Variants in WDR45B observed in about 807,000 individuals in gnomAD.
WDR45B encodes the protein WD repeat domain 45B.
In WDR45B, 20 loss-of-function variants were observed where a neutral mutation model predicts 44.6. The ratio of observed to expected loss-of-function variants is 0.45; its 90% CI spans 0.32 to 0.65. WDR45B has a LOEUF of 0.65. Among genes scored for constraint, WDR45B ranks in the 30% least tolerant of loss-of-function variants. The probability of loss-of-function intolerance (pLI) is 0.05; values close to 1 mark genes in which losing one functional copy is unlikely to be tolerated. For synonymous variants in WDR45B, 169 were observed against 164.9 expected, an observed-to-expected ratio of 1.02 and a Z score of -0.19; for missense variants, 323 against 430.2, an observed-to-expected ratio of 0.75 and a Z score of 2.20.
At position 82,615,851 on chromosome 17, in the gene WDR45B, G is replaced by A; in HGVS notation, c.*68C>T. On this transcript the variant is annotated 3_prime_UTR_variant, in exon 10 of 10. Coordinates refer to ENST00000392325, the MANE Select transcript of WDR45B (RefSeq NM_019613.4). ...AGCCCGTGGCCCAGGAGGCCCCTGG[G>A]GCACTGGCACCAGCCCCGAGAGTCT... 6.7e-7 allele frequency: 1 copy of A among 1,485,480 alleles called. No individual in the cohort carries two copies. Among genetic ancestry groups the A allele is most frequent in the Non-Finnish European group, 9.4e-7 (1 of 1,065,914 alleles). The allele number at this position is 1,485,480 out of a possible 1,614,324, so 92.0% of individuals were successfully genotyped here.
At chr17:82,640,403 T>C (rs374327217) in intron 2 of WDR45B, among the ~76,000 whole-genome samples, 2 of 151,624 alleles carry the variant, frequency 1.3e-5, no homozygotes, top group African/African-American at 4.8e-5. Flanking sequence ...CAGGCTGCAG[T>C]GCAGTGGCGA....
At chr17:82,641,005 G>A (rs1052956646) in intron 2 of WDR45B, among the ~76,000 whole-genome samples, 3 of 126,518 alleles carry the variant, frequency 2.4e-5, no homozygotes, top group Non-Finnish European at 4.7e-5. Flanking sequence ...TTGCTCTGTC[G>A]CCCAGGATGG....
chr17:82,619,065 A>T lies in WDR45B; in HGVS notation c.682T>A (p.Ser228Thr). 1.2e-6 allele frequency: 2 copies of T among 1,614,124 alleles called. No homozygotes were observed. The highest frequency in any genetic ancestry group is 1.7e-6 in the Non-Finnish European group (2 of 1,180,024). The change falls in exon 7 of 10, where the codon TCT (serine) becomes ACT (threonine). Residue 228 changes from serine (S) to threonine (T), a missense_variant. Transcript: ENST00000392325. ...GHLIQELRRG[S>T]QAANIYCINF... Reference sequence around the variant, plus strand: ...TACCAGTAAATATTGGCTGCTTGAGATCCTCTTCGCAGTTCCTGGATTAAA... The same window carrying T: ...TACCAGTAAATATTGGCTGCTTGAGTTCCTCTTCGCAGTTCCTGGATTAAA...
intron 2 of WDR45B, among the ~76,000 whole-genome samples, chr17:82,632,553 C>T (rs1476599850): frequency 1.3e-5 from 2 of 152,120 alleles, no homozygotes; most frequent in East Asian, 3.8e-4. Flanking sequence ...GACCAATGCT[C>T]TCTGAGGGGA....
At chr17:82,616,404 G>C (rs2045535777) in intron 9 of WDR45B, 120 bp downstream of exon 9, 1 of 1,502,384 alleles carries the variant, frequency 6.7e-7, no homozygotes, top group Non-Finnish European at 9.2e-7. Flanking sequence ...AAGGGGAACT[G>C]GGCGGCCATC....
chr17:82,625,302 G>C, intron 5 of WDR45B, 87 bp downstream of exon 5: 4 of 1,358,520 alleles, frequency 2.9e-6, no homozygotes, highest in Non-Finnish European at 4.2e-6. Flanking sequence ...ACTTTGCTCA[G>C]AGACCTGCTT....
At chr17:82,637,373 C>G (rs931642526) in intron 2 of WDR45B, among the ~76,000 whole-genome samples, 1 of 151,988 alleles carries the variant, frequency 6.6e-6, no homozygotes, top group Admixed American at 6.5e-5. Context: ...ACCCTCTCCT[C>G]TAATCATGGT....
At chr17:82,639,181 TCTA>T (rs1485873420) in intron 2 of WDR45B, among the ~76,000 whole-genome samples, 5 of 152,024 alleles carry the variant, frequency 3.3e-5, no homozygotes, top group African/African-American at 1.2e-4. Context: ...TATGCTATTC[TCTA>T]CTTTCTTTTT....
chr17:82,625,512 T>C lies in WDR45B; in HGVS notation c.333-29A>G, dbSNP rs776947957. ...GAAAGAAAAACATGATCAGAGTTGC[T>C]TTCCTCAAGAGTCAAACCCAAACAT... On this transcript the variant is annotated intron_variant, in intron 4 of 9. Transcript: ENST00000392325. The C allele has an allele frequency of 7.5e-5, 121 of 1,608,026 alleles. 1 individual carries two copies. The highest frequency in any genetic ancestry group is 8.5e-7 in the Non-Finnish European group (1 of 1,174,730).
At chr17:82,639,614 C>T (rs1037145187) in intron 2 of WDR45B, among the ~76,000 whole-genome samples, 3 of 150,940 alleles carry the variant, frequency 2.0e-5, no homozygotes, top group Admixed American at 6.6e-5. Context: ...CAGCACGAAG[C>T]CTGCAGGACC....
intron 2 of WDR45B, among the ~76,000 whole-genome samples, chr17:82,640,571 G>C (rs904403456): frequency 6.6e-6 from 1 of 152,048 alleles, no homozygotes; most frequent in Non-Finnish European, 1.5e-5. Flanking sequence ...GGATGGTTTC[G>C]ATCTCCTGAC....
rs1452156658 is a variant in WDR45B, at chr17:82,615,529, C to T, written c.*390G>A. The T allele has an allele frequency of 6.6e-6, 2 of 302,176 alleles. No individual in the cohort carries two copies. Among genetic ancestry groups the T allele is most frequent in the Non-Finnish European group, 1.3e-5 (2 of 154,680 alleles). The allele number at this position is 302,176 out of a possible 1,614,324, so 18.7% of individuals were successfully genotyped here. A position where few individuals can be genotyped will look rare whatever the true frequency, so the allele number is the denominator to read the frequency against. The stretch of plus-strand genomic sequence containing the variant: ...CTTGTTCACTCCCCCGCTGCAGACT[C>T]AGTAAGAACGACGGAATCTGCTGCA... On this transcript the variant is annotated 3_prime_UTR_variant, in exon 10 of 10. Coordinates refer to ENST00000392325, the MANE Select transcript of WDR45B (RefSeq NM_019613.4).
Position 82,616,612 on chromosome 17 carries a change from G to A in WDR45B, c.840C>T (p.Phe280=), listed in dbSNP as rs757463128. ...LASASFLPKY[F]SSKWSFSKFQ... The stretch of plus-strand genomic sequence containing the variant: ...ACTTGGAGAAACTCCACTTGGAACT[G>A]AAGTATTTTGGAAGGAAACTGGCTG... Residue 280 remains phenylalanine, a synonymous_variant, in exon 9 of 10, where the codon TTC becomes TTT. Transcript: ENST00000392325. 4 of 1,614,184 alleles carry A rather than the reference G, an allele frequency of 2.5e-6. No homozygotes were observed. The highest frequency in any genetic ancestry group is 1.1e-5 in the South Asian group (1 of 91,084).
chr17:82,648,193 CCCAGGAGAGG>C, intron 1 of WDR45B, 71 bp downstream of exon 1: 1 of 1,497,622 alleles, frequency 6.7e-7, no homozygotes. Flanking sequence ...GAAAGGGGCG[CCCAGGAGAGG>C]CCTGAGAGCC....
rs2045541838 is a variant in WDR45B, at chr17:82,616,747, A to G, written c.807-102T>C. 13 of 1,459,046 alleles carry G rather than the reference A, an allele frequency of 8.9e-6. No homozygotes were observed. In the Admixed American group the frequency reaches 2.3e-4, roughly 26 times the overall value. The allele number at this position is 1,459,046 out of a possible 1,614,324, so 90.4% of individuals were successfully genotyped here. A position where few individuals can be genotyped will look rare whatever the true frequency, so the allele number is the denominator to read the frequency against. ...GCTGAAAATACGAAAATGCTCCTTC[A>G]TATGGTTTGAGCTTTAATGAATTTT... is the stretch of plus-strand genomic sequence containing the variant. On this transcript the variant is annotated intron_variant, in intron 8 of 9. Coordinates refer to ENST00000392325, the MANE Select transcript of WDR45B (RefSeq NM_019613.4).
In WDR45B at chr17:82,615,775, A is replaced by T. The variant is rs929685891; in HGVS notation, c.*144T>A. 11 of 732,352 alleles carry T rather than the reference A, an allele frequency of 1.5e-5. No individual in the cohort carries two copies. The highest frequency in any genetic ancestry group is 2.7e-5 in the Non-Finnish European group (11 of 413,936). 45.4% of individuals were successfully genotyped at this position (732,352 alleles called of 1,614,324 possible). A position where few individuals can be genotyped will look rare whatever the true frequency, so the allele number is the denominator to read the frequency against. Reference sequence around the variant, plus strand: ...TACTGGAAATGGGAGTCCTTAGGAAAGCAGACAACCACGTATGGCTTCGAG... The same window carrying T: ...TACTGGAAATGGGAGTCCTTAGGAATGCAGACAACCACGTATGGCTTCGAG... On this transcript the variant is annotated 3_prime_UTR_variant, in exon 10 of 10. Transcript: ENST00000392325.
At chr17:82,619,420 T>G (rs2045583969) in intron 6 of WDR45B, among the ~76,000 whole-genome samples, 1 of 152,132 alleles carries the variant, frequency 6.6e-6, no homozygotes. Flanking sequence ...CATCCCTGGC[T>G]GAGACCCAGG....
At chr17:82,637,558 T>C (rs1014733715) in intron 2 of WDR45B, among the ~76,000 whole-genome samples, 5 of 151,922 alleles carry the variant, frequency 3.3e-5, no homozygotes, top group Non-Finnish European at 7.4e-5. Flanking sequence ...CACACACCAG[T>C]CACAAGTTAG....
intron 3 of WDR45B, among the ~76,000 whole-genome samples, chr17:82,628,175 T>A (rs1166639124): frequency 6.6e-6 from 1 of 152,122 alleles, no homozygotes; most frequent in African/African-American, 2.4e-5. Flanking sequence ...GTATTTTTGG[T>A]AGAGATGGGG....
Sources: gnomAD v4.1 joint callset for allele counts (sites outside exome capture counted in the v4.1 genomes callset) on GRCh38, gnomAD v4.1.1 for gene constraint, MANE v1.5 for transcripts, NCBI Gene and HGNC (gene_info 2026-07-23, HGNC 2026-07-21) for gene names.